Variants in DOCK9 observed in about 807,000 individuals in gnomAD.
DOCK9 encodes dedicator of cytokinesis 9, also known as dedicator of cytokinesis protein 9.
In DOCK9, 89 loss-of-function variants were observed where a neutral mutation model predicts 263.3. The ratio of observed to expected loss-of-function variants is 0.34; its 90% CI spans 0.28 to 0.40. The LOEUF (loss-of-function observed/expected upper bound fraction) is 0.40. DOCK9 is among the 10% of genes least tolerant of loss of function. DOCK9 has a pLI of 1.00. For missense variants in DOCK9, 2,140 were observed against 2,603.4 expected, an observed-to-expected ratio of 0.82 and a Z score of 3.87; for synonymous variants, 976 against 973.1, an observed-to-expected ratio of 1.00 and a Z score of -0.06.
At chr13:98,994,110 CA>C (rs1880448925) in intron 1 of DOCK9, among the ~76,000 whole-genome samples, 1 of 152,128 alleles carries the variant, frequency 6.6e-6, no homozygotes, top group Admixed American at 6.5e-5. Context: ...AAAAAATAAT[CA>C]ATGGACTAGA....
At chr13:98,964,519 T>C (rs2059005716) in intron 1 of DOCK9, among the ~76,000 whole-genome samples, 1 of 152,182 alleles carries the variant, frequency 6.6e-6, no homozygotes, top group Non-Finnish European at 1.5e-5. Flanking sequence ...TTGTAAGGCC[T>C]GAAACATGCA....
intron 1 of DOCK9, among the ~76,000 whole-genome samples, chr13:99,033,089 A>T (rs531167939): frequency 6.6e-6 from 1 of 152,362 alleles, no homozygotes; most frequent in South Asian, 2.1e-4. Context: ...GTTTTAAGAC[A>T]TCTGAGTACA....
At chr13:99,007,813 T>C (rs1477543320) in intron 1 of DOCK9, among the ~76,000 whole-genome samples, 1 of 152,156 alleles carries the variant, frequency 6.6e-6, no homozygotes, top group Non-Finnish European at 1.5e-5. Flanking sequence ...ACTTCATAAA[T>C]AGCAATGATG....
intron 5 of DOCK9, 106 bp downstream of exon 5, chr13:98,923,196 C>T: frequency 9.7e-7 from 1 of 1,028,356 alleles, no homozygotes; most frequent in South Asian, 1.4e-5. Context: ...ACTCCAATGC[C>T]TGTTTTGGCT....
intron 1 of DOCK9, among the ~76,000 whole-genome samples, chr13:98,994,989 T>A (rs1880670004): frequency 6.6e-6 from 1 of 152,194 alleles, no homozygotes; most frequent in African/African-American, 2.4e-5. Flanking sequence ...GTTATTACCC[T>A]TTGACAAACA....
chr13:99,035,983 A>G (rs1887830231), intron 1 of DOCK9, among the ~76,000 whole-genome samples: 1 of 152,106 alleles, frequency 6.6e-6, no homozygotes, highest in South Asian at 2.1e-4. Context: ...TTGAACTCCA[A>G]TTGCAACATC....
intron 1 of DOCK9, among the ~76,000 whole-genome samples, chr13:99,001,902 C>T (rs543375174): frequency 3.9e-5 from 6 of 152,188 alleles, no homozygotes; most frequent in Non-Finnish European, 7.4e-5. Context: ...CCTATGAAAG[C>T]TGGATCTGTC....
intron 10 of DOCK9, 43 bp downstream of exon 10, chr13:98,904,588 TC>T: frequency 7.3e-7 from 1 of 1,379,258 alleles, no homozygotes; most frequent in Non-Finnish European, 9.9e-7. Flanking sequence ...TGATTTTCTC[TC>T]CCACATTTGG....
At chr13:98,826,324 T>C (rs1161652324) in intron 44 of DOCK9, among the ~76,000 whole-genome samples, 2 of 152,210 alleles carry the variant, frequency 1.3e-5, no homozygotes, top group African/African-American at 2.4e-5. Context: ...CATGGCCTGC[T>C]CATCTGGGCA....
At chr13:98,881,781 A>G in intron 24 of DOCK9, 111 bp downstream of exon 24, 1 of 1,271,056 alleles carries the variant, frequency 7.9e-7, no homozygotes. Flanking sequence ...GGGATCAAAG[A>G]CATTTCTTAA....
chr13:98,802,241 T>C (rs1352767838), intron 49 of DOCK9, among the ~76,000 whole-genome samples: 13 of 152,350 alleles, frequency 8.5e-5, no homozygotes, highest in African/African-American at 2.9e-4. Context: ...GTTTATCATC[T>C]GTCTCCTCTG....
At chr13:99,059,032 T>C (rs1411221203) in intron 1 of DOCK9, among the ~76,000 whole-genome samples, 1 of 152,180 alleles carries the variant, frequency 6.6e-6, no homozygotes, top group Non-Finnish European at 1.5e-5. Context: ...CCCAGTCTCC[T>C]GTGAGGTCCT....
rs546805060 is a variant in DOCK9 at position 98,860,789 on chromosome 13, G to A, written c.3580-267C>T. Among the ~76,000 whole-genome samples the A allele has an allele frequency of 7.5e-4, 114 of 152,254 alleles. 1 individual carries two copies. The South Asian group carries it at 0.022, about 29-fold the overall frequency. The stretch of plus-strand genomic sequence containing the variant: ...AAAGTCTTGTTTCTCTTTCCCCAGC[G>A]TTGCTAACACCTTTCCCTTTCCAGA... On this transcript the variant is annotated intron_variant, in intron 32 of 52. Coordinates refer to ENST00000682017, the MANE Select transcript of DOCK9 (RefSeq NM_001366683.2).
At chr13:99,060,061 A>ATTT (rs2041111530) in intron 1 of DOCK9, among the ~76,000 whole-genome samples, 1 of 69,318 alleles carries the variant, frequency 1.4e-5, no homozygotes, top group Non-Finnish European at 2.7e-5. Flanking sequence ...GATTGTTTCT[A>ATTT]CTTTTTTTTT....
intron 1 of DOCK9, among the ~76,000 whole-genome samples, chr13:98,992,438 A>G (rs1880030290): frequency 6.6e-6 from 1 of 152,142 alleles, no homozygotes. Flanking sequence ...AGGTCTACTC[A>G]GCGGGTCTAG....
At chr13:98,933,973 G>C (rs1369802681) in intron 2 of DOCK9, among the ~76,000 whole-genome samples, 4 of 151,962 alleles carry the variant, frequency 2.6e-5, no homozygotes, top group Non-Finnish European at 5.9e-5. Context: ...TCACAGCTCA[G>C]TGCAACCTTG....
upstream of DOCK9, among the ~76,000 whole-genome samples, chr13:98,980,641 T>C (rs1230086088): frequency 6.6e-6 from 1 of 152,236 alleles, no homozygotes; most frequent in Non-Finnish European, 1.5e-5. Flanking sequence ...TACTGTATTG[T>C]TGCTGTTCTC....
At chr13:99,034,082 A>T (rs1404324161) in intron 1 of DOCK9, among the ~76,000 whole-genome samples, 1 of 152,208 alleles carries the variant, frequency 6.6e-6, no homozygotes, top group Non-Finnish European at 1.5e-5. Flanking sequence ...CAGCTCACAC[A>T]ACCCTAAAGC....
intron 50 of DOCK9, among the ~76,000 whole-genome samples, chr13:98,799,072 T>C (rs571760302): frequency 2.6e-5 from 4 of 152,350 alleles, no homozygotes; most frequent in Admixed American, 6.5e-5. Context: ...GCTGGAATAC[T>C]TATGTTCACT....
Sources: allele counts gnomAD v4.1 joint callset (sites outside exome capture counted in the v4.1 genomes callset), GRCh38; gene constraint gnomAD v4.1.1; transcripts MANE v1.5; gene names NCBI Gene and HGNC (gene_info 2026-07-23, HGNC 2026-07-21).